Variants in MAPKAPK5 observed in about 807,000 individuals in gnomAD.
The protein encoded by MAPKAPK5 is MAP kinase-activated protein kinase 5.
In MAPKAPK5, 30 loss-of-function variants were observed where a neutral mutation model predicts 65.1. The ratio of observed to expected loss-of-function variants is 0.46; its 90% confidence interval spans 0.34 to 0.63. MAPKAPK5 has a LOEUF of 0.63. Ranked by LOEUF, MAPKAPK5 falls within the 20% of genes least tolerant of loss-of-function variation. The pLI, the probability that MAPKAPK5 is intolerant of heterozygous loss-of-function variation, is 0.01. For missense variants in MAPKAPK5, 433 were observed against 581.4 expected, an observed-to-expected ratio of 0.74 and a Z score of 2.63; for synonymous variants, 179 against 204.6, an observed-to-expected ratio of 0.87 and a Z score of 1.07.
chr12:111,865,557 G>C (rs189794643), intron 2 of MAPKAPK5, among the ~76,000 whole-genome samples: 1 of 151,976 alleles, frequency 6.6e-6, no homozygotes, highest in African/African-American at 2.4e-5. Flanking sequence ...GTCGAGACTG[G>C]CCAGGCGCGG....
intron 1 of MAPKAPK5, among the ~76,000 whole-genome samples, chr12:111,850,735 A>G (rs1296372612): frequency 6.6e-6 from 1 of 152,188 alleles, no homozygotes; most frequent in Non-Finnish European, 1.5e-5. Context: ...TAAGGCAGGA[A>G]GAGCTAGGTT....
intron 6 of MAPKAPK5, 22 bp from the exon 7 acceptor site, chr12:111,871,063 C>T (rs1384443633): frequency 1.4e-5 from 22 of 1,585,984 alleles, no homozygotes; most frequent in Non-Finnish European, 1.7e-5. Context: ...GGAGCAGTGA[C>T]TCCTTTTTTT....
At position 111,891,998 on chromosome 12, in the gene MAPKAPK5, T is replaced by C. The variant is rs569190173; in HGVS notation, c.1322-969T>C. The stretch of plus-strand genomic sequence containing the variant: ...CATTCAAAGGTAATCACAGTCCTGA[T>C]TTCTAGCACTGTAGCCTAAGTTTGC... On this transcript the variant is annotated intron_variant, in intron 13 of 13. Transcript: ENST00000550735. Among the ~76,000 whole-genome samples, 21 of 152,320 alleles carry C rather than the reference T, an allele frequency of 1.4e-4. 1 individual carries two copies. The South Asian group carries it at 4.1e-3, about 30-fold the overall frequency.
intron 7 of MAPKAPK5, among the ~76,000 whole-genome samples, chr12:111,872,338 A>G (rs762582549): frequency 2.0e-5 from 3 of 152,150 alleles, no homozygotes; most frequent in Non-Finnish European, 4.4e-5. Context: ...ACTTCATTAT[A>G]GTTTTAATCA....
Position 111,842,779 on chromosome 12 carries a change from A to G in MAPKAPK5, c.36+10A>G. The G allele has an allele frequency of 7.6e-7, 1 of 1,323,572 alleles. No individual in the cohort carries two copies. Among genetic ancestry groups the G allele is most frequent in the South Asian group, 2.8e-5 (1 of 35,876 alleles). 82.0% of individuals were successfully genotyped at this position (1,323,572 alleles called of 1,614,324 possible). A position where few individuals can be genotyped will look rare whatever the true frequency, so the allele number is the denominator to read the frequency against. ...GGACAAAGCCATCAAGGTAAGGGGG[A>G]GGTGCCCCCTCTTCCCCCGCGTTGT... On this transcript the variant is annotated intron_variant, in intron 1 of 13. Coordinates refer to ENST00000550735, the MANE Select transcript of MAPKAPK5 (RefSeq NM_003668.4).
rs768894408 is a variant in MAPKAPK5 at position 111,880,438 on chromosome 12, T to G, written c.580-9T>G. 5.0e-6 allele frequency: 8 copies of G among 1,613,134 alleles called. No individual in the cohort carries two copies. The highest frequency in any genetic ancestry group is 6.8e-6 in the Non-Finnish European group (8 of 1,179,244). On this transcript the variant is annotated splice_polypyrimidine_tract_variant and intron_variant, in intron 7 of 13. Transcript: ENST00000550735. ...ATTAAATGGTCCCCTTTGGTCTGAC[T>G]CTTGACAGGTACTGGAGGCGCAAAG...
Position 111,855,040 on chromosome 12 carries a change from T to C in MAPKAPK5, c.37-10210T>C, listed in dbSNP as rs143367538. Among the ~76,000 whole-genome samples the C allele has an allele frequency of 1.1e-4, 16 of 152,344 alleles. No individual in the cohort carries two copies. The East Asian group carries it at 2.9e-3, about 28-fold the overall frequency. ...TTTCTAGAAATTTGTCCATTTTATC[T>C]AGTGCTTTAATTTGTTGGCATAAAG... On this transcript the variant is annotated intron_variant, in intron 1 of 13. Coordinates refer to ENST00000550735, the MANE Select transcript of MAPKAPK5 (RefSeq NM_003668.4).
chr12:111,876,076 A>C (rs2069953622), intron 7 of MAPKAPK5, among the ~76,000 whole-genome samples: 1 of 151,524 alleles, frequency 6.6e-6, no homozygotes, highest in Non-Finnish European at 1.5e-5. Context: ...GTGTGGTGGC[A>C]GCCACCTGTA....
Position 111,900,524 on chromosome 12 carries a change from C to G in MAPKAPK5, c.*7463C>G. 2.2e-6 allele frequency: 1 copy of G among 456,106 alleles called. No homozygotes were observed. The highest frequency in any genetic ancestry group is 4.4e-6 in the Non-Finnish European group (1 of 226,802). 28.3% of individuals were successfully genotyped at this position (456,106 alleles called of 1,614,324 possible). ...TCCTTCGAGAACACAAAGGGGCCTG[C>G]CTATTTAACAAGCCACGGCCCAGGG... On this transcript the variant is annotated 3_prime_UTR_variant, in exon 14 of 14. Coordinates refer to ENST00000550735, the MANE Select transcript of MAPKAPK5 (RefSeq NM_003668.4).
chr12:111,901,605 A>C lies in MAPKAPK5; in HGVS notation c.*8544A>C, dbSNP rs1047620442. ...GCTCCACCACCGGCCCCAGAAATAA[A>C]GCCAGAAGCAGCAGAAGTGGCCACA... On this transcript the variant is annotated 3_prime_UTR_variant, in exon 14 of 14. Transcript: ENST00000550735. 4 of 298,868 alleles carry C rather than the reference A, an allele frequency of 1.3e-5. No homozygotes were observed. The highest frequency in any genetic ancestry group is 2.6e-5 in the Non-Finnish European group (4 of 152,582). The allele number at this position is 298,868 out of a possible 1,614,324, so 18.5% of individuals were successfully genotyped here. A position where few individuals can be genotyped will look rare whatever the true frequency, so the allele number is the denominator to read the frequency against.
At chr12:111,880,401 G>A in intron 7 of MAPKAPK5, 46 bp from the exon 8 acceptor site, 1 of 1,459,572 alleles carries the variant, frequency 6.9e-7, no homozygotes, top group East Asian at 2.3e-5. Flanking sequence ...GGTTATCGGT[G>A]GTGTGATTTT....
Position 111,842,323 on chromosome 12 carries a change from G to A in MAPKAPK5, c.-411G>A, listed in dbSNP as rs1313451145. 1 of 155,732 alleles carries A rather than the reference G, an allele frequency of 6.4e-6. No individual in the cohort carries two copies. Among genetic ancestry groups the A allele is most frequent in the Non-Finnish European group, 1.4e-5 (1 of 70,694 alleles). The allele number at this position is 155,732 out of a possible 1,614,324, so 9.6% of individuals were successfully genotyped here. ...CGGCTTCGCGGCGGTGCAGGCGGCG[G>A]AGGCGGAGGCGCAGGCTCTTCTTTA... On this transcript the variant is annotated 5_prime_UTR_variant, in exon 1 of 14. Coordinates refer to ENST00000550735, the MANE Select transcript of MAPKAPK5 (RefSeq NM_003668.4).
intron 7 of MAPKAPK5, among the ~76,000 whole-genome samples, chr12:111,873,688 T>G (rs1238260431): frequency 3.3e-5 from 5 of 152,210 alleles, no homozygotes; most frequent in Admixed American, 6.6e-5. Context: ...TATCTGTTGG[T>G]CTTTTCTGGA....
Position 111,881,402 on chromosome 12 carries a change from C to CTTTTTTTTTTTTTTTTTTTTTTTTTT in MAPKAPK5, c.660+875_660+876insTTTTTTTTTTTTTTTTTTTTTTTTTT, listed in dbSNP as rs1274226182. 2.2e-4 allele frequency among the ~76,000 whole-genome samples: 26 copies of CTTTTTTTTTTTTTTTTTTTTTTTTTT among 116,742 alleles called. 4 individuals are homozygous for CTTTTTTTTTTTTTTTTTTTTTTTTTT. The highest frequency in any genetic ancestry group is 5.0e-4 in the African/African-American group (15 of 30,136). The allele number at this position is 116,742 out of a possible 152,430, so 76.6% of individuals were successfully genotyped here. A position where few individuals can be genotyped will look rare whatever the true frequency, so the allele number is the denominator to read the frequency against. On this transcript the variant is annotated intron_variant, in intron 8 of 13. Coordinates refer to ENST00000550735, the MANE Select transcript of MAPKAPK5 (RefSeq NM_003668.4). ...AGCCCACATATTGATCCTGTCTGTT[C>CTTTTTTTTTTTTTTTTTTTTTTTTTT]CTTTTTTTTTTTTTTTTTTTGAGAC... is the stretch of plus-strand genomic sequence containing the variant.
rs2070997529 is a variant in MAPKAPK5 at position 111,900,485 on chromosome 12, C to G, written c.*7424C>G. On this transcript the variant is annotated 3_prime_UTR_variant, in exon 14 of 14. Coordinates refer to ENST00000550735, the MANE Select transcript of MAPKAPK5 (RefSeq NM_003668.4). ...GTGGCTTCAGCAGCTGCAGCTCTGA[C>G]TACTTCTACCAGTTCCTTCGAGAAC... 1 of 455,980 alleles carries G rather than the reference C, an allele frequency of 2.2e-6. No homozygotes were observed. The highest frequency in any genetic ancestry group is 2.0e-5 in the African/African-American group (1 of 50,084). 28.2% of individuals were successfully genotyped at this position (455,980 alleles called of 1,614,324 possible).
chr12:111,896,566 T>C lies in MAPKAPK5; in HGVS notation c.*3505T>C, dbSNP rs1375741925. 6.6e-6 allele frequency: 1 copy of C among 152,224 alleles called. No homozygotes were observed. Among genetic ancestry groups the C allele is most frequent in the Non-Finnish European group, 1.5e-5 (1 of 68,040 alleles). The allele number at this position is 152,224 out of a possible 1,614,324, so 9.4% of individuals were successfully genotyped here. A position where few individuals can be genotyped will look rare whatever the true frequency, so the allele number is the denominator to read the frequency against. On this transcript the variant is annotated 3_prime_UTR_variant, in exon 14 of 14. Transcript: ENST00000550735. ...TTGCACATAACTGGAAGTGAAACGA[T>C]ATCTTTCTCATATTTTTTGGCCTAA...
chr12:111,868,151 T>A (rs1339401382), intron 4 of MAPKAPK5, among the ~76,000 whole-genome samples: 2 of 152,260 alleles, frequency 1.3e-5, no homozygotes, highest in Non-Finnish European at 2.9e-5. Context: ...AACATTATTC[T>A]TTTAGTTACC....
intron 7 of MAPKAPK5, among the ~76,000 whole-genome samples, chr12:111,875,823 G>C (rs1440304725): frequency 6.6e-6 from 1 of 152,138 alleles, no homozygotes; most frequent in African/African-American, 2.4e-5. Flanking sequence ...AGGTGAGCCA[G>C]CTTTCACTCC....
At chr12:111,870,940 C>G (rs911659405) in intron 6 of MAPKAPK5, 145 bp from the exon 7 acceptor site, 6 of 624,582 alleles carry the variant, frequency 9.6e-6, no homozygotes, top group African/African-American at 5.5e-5. Context: ...TGTCTCCAGA[C>G]CTGGGGACAT....
Sources: gnomAD v4.1 joint callset for allele counts (sites outside exome capture counted in the v4.1 genomes callset) on GRCh38, gnomAD v4.1.1 for gene constraint, MANE v1.5 for transcripts, NCBI Gene and HGNC (gene_info 2026-07-23, HGNC 2026-07-21) for gene names.